TMEM87B: variants seen among roughly 807,000 people sequenced by gnomAD.
TMEM87B encodes transmembrane protein 87B.
In TMEM87B, 83 loss-of-function variants were observed where a neutral mutation model predicts 80.3. The observed-to-expected ratio is 1.03, with a 90% CI of 0.87 to 1.24. The LOEUF (loss-of-function observed/expected upper bound fraction) is 1.24, where lower values mean the gene tolerates loss of function less well. Among genes scored for constraint, TMEM87B ranks in the 50% most tolerant of loss-of-function variants. The pLI is 0.00. For synonymous variants in TMEM87B, 219 were observed against 230.5 expected, an observed-to-expected ratio of 0.95 and a Z score of 0.45; for missense variants, 625 against 674.4, an observed-to-expected ratio of 0.93 and a Z score of 0.81.
intron 16 of TMEM87B, among the ~76,000 whole-genome samples, chr2:112,107,400 T>A (rs1320931942): frequency 1.3e-5 from 2 of 152,082 alleles, no homozygotes; most frequent in East Asian, 1.9e-4. Flanking sequence ...ATCATCATTT[T>A]TTTTAAAGTT....
intron 2 of TMEM87B, among the ~76,000 whole-genome samples, chr2:112,061,250 T>C (rs1258768167): frequency 5.9e-5 from 9 of 152,210 alleles, no homozygotes; most frequent in Non-Finnish European, 1.3e-4. Flanking sequence ...ATTCCTCTTA[T>C]TGTTTCCAGT....
At chr2:112,110,540 C>T (rs1679882877) in intron 17 of TMEM87B, among the ~76,000 whole-genome samples, 1 of 151,784 alleles carries the variant, frequency 6.6e-6, no homozygotes, top group Admixed American at 6.6e-5. Flanking sequence ...TTTTTCTTTC[C>T]TGCACTGTTA....
intron 16 of TMEM87B, among the ~76,000 whole-genome samples, chr2:112,106,398 T>G (rs1051351478): frequency 1.3e-5 from 2 of 152,164 alleles, no homozygotes; most frequent in African/African-American, 4.8e-5. Flanking sequence ...TTGAAAAGAT[T>G]CCATAGCCTG....
chr2:112,092,058 G>C (rs1322770399), intron 11 of TMEM87B, among the ~76,000 whole-genome samples: 4 of 152,178 alleles, frequency 2.6e-5, no homozygotes, highest in Non-Finnish European at 5.9e-5. Flanking sequence ...GGGATTCACA[G>C]TCTTGTAGGG....
At chr2:112,091,821 T>A (rs770043964) in intron 11 of TMEM87B, 38 bp downstream of exon 11, 1 of 1,415,564 alleles carries the variant, frequency 7.1e-7, no homozygotes, top group East Asian at 2.3e-5. Flanking sequence ...GTTTGTTGTA[T>A]CATGAAAATC....
intron 1 of TMEM87B, among the ~76,000 whole-genome samples, chr2:112,057,250 C>A (rs1023349787): frequency 6.6e-6 from 1 of 152,162 alleles, no homozygotes; most frequent in South Asian, 2.1e-4. Context: ...ATTTGTACTG[C>A]AAATCTATCA....
chr2:112,077,251 G>A lies in TMEM87B; in HGVS notation c.561G>A (p.Thr187=), dbSNP rs145540703. 24 of 1,592,290 alleles carry A rather than the reference G, an allele frequency of 1.5e-5. No individual in the cohort carries two copies. Among genetic ancestry groups the A allele is most frequent in the Middle Eastern group, 1.7e-4 (1 of 6,010 alleles). Residue 187 remains threonine (T), a synonymous_variant, in exon 6 of 19, where the codon ACG becomes ACA. Transcript: ENST00000283206. ...GFHIFIVSIK[T]ENTDASWNLN... is the part of the protein sequence containing the mutation. ...ATATCTTTATTGTTTCTATTAAAAC[G>A]GAGAATACAGATGCAAGCTGGAATT...
At chr2:112,059,230 AG>A (rs1490409274) in intron 1 of TMEM87B, among the ~76,000 whole-genome samples, 1 of 152,156 alleles carries the variant, frequency 6.6e-6, no homozygotes, top group Non-Finnish European at 1.5e-5. Flanking sequence ...TTTATTCCTG[AG>A]AAGACATTAA....
At chr2:112,088,951 G>A (rs1032336919) in intron 9 of TMEM87B, among the ~76,000 whole-genome samples, 11 of 152,122 alleles carry the variant, frequency 7.2e-5, no homozygotes, top group African/African-American at 2.4e-4. Context: ...GGTAGAGACC[G>A]GGTTTCACCA....
intron 13 of TMEM87B, among the ~76,000 whole-genome samples, chr2:112,097,999 T>C (rs1319920001): frequency 6.6e-6 from 1 of 151,568 alleles, no homozygotes; most frequent in Non-Finnish European, 1.5e-5. Context: ...TTTTTTGAGA[T>C]GAGTCTCACT....
intron 9 of TMEM87B, among the ~76,000 whole-genome samples, chr2:112,088,768 TG>T (rs1679220083): frequency 1.3e-5 from 2 of 152,210 alleles, no homozygotes; most frequent in South Asian, 4.1e-4. Flanking sequence ...TTGTTGTTTT[TG>T]TTTTTTTGGA....
chr2:112,070,966 C>T (rs1002187826), intron 4 of TMEM87B, among the ~76,000 whole-genome samples: 32 of 151,746 alleles, frequency 2.1e-4, no homozygotes, highest in East Asian at 5.9e-4. Context: ...GGACTACAGA[C>T]GCCCGCCACC....
intron 17 of TMEM87B, among the ~76,000 whole-genome samples, chr2:112,110,211 T>C (rs1235988272): frequency 6.6e-6 from 1 of 152,258 alleles, no homozygotes; most frequent in Admixed American, 6.5e-5. Context: ...TGTTTCATTT[T>C]CTATGTTGTT....
chr2:112,089,901 T>G (rs758970367), intron 10 of TMEM87B, among the ~76,000 whole-genome samples, 183 bp downstream of exon 10: 16 of 152,230 alleles, frequency 1.1e-4, no homozygotes, highest in Non-Finnish European at 2.2e-4. Flanking sequence ...ACAGAGTGCT[T>G]CTTAAAATGA....
chr2:112,074,314 C>G (rs1678745349), intron 4 of TMEM87B, among the ~76,000 whole-genome samples: 1 of 152,176 alleles, frequency 6.6e-6, no homozygotes, highest in African/African-American at 2.4e-5. Flanking sequence ...TTCCCCTTCA[C>G]TTATGAGGCT....
Position 112,116,653 on chromosome 2 carries a change from A to G in TMEM87B, c.*510A>G, listed in dbSNP as rs1680032932. ...TGATTTGATATTAAGTAAAACAGTT[A>G]ATGTTTGAATATAGGCATATTTATA... On this transcript the variant is annotated 3_prime_UTR_variant, in exon 19 of 19. Transcript: ENST00000283206. 1 of 152,130 alleles carries G rather than the reference A, an allele frequency of 6.6e-6. No homozygotes were observed. The highest frequency in any genetic ancestry group is 2.1e-4 in the South Asian group (1 of 4,822). 9.4% of individuals were successfully genotyped at this position (152,130 alleles called of 1,614,324 possible).
intron 13 of TMEM87B, 40 bp from the exon 14 acceptor site, chr2:112,098,555 A>G (rs746127101): frequency 3.8e-6 from 6 of 1,590,680 alleles, no homozygotes; most frequent in Non-Finnish European, 5.2e-6. Context: ...TATGCTTATC[A>G]GAAAATTAAC....
intron 5 of TMEM87B, 58 bp from the exon 6 acceptor site, chr2:112,077,134 C>T: frequency 3.7e-6 from 3 of 807,488 alleles, no homozygotes; most frequent in Non-Finnish European, 5.9e-6. Context: ...AGTTGTTCAG[C>T]TATATTACAT....
intron 17 of TMEM87B, among the ~76,000 whole-genome samples, 167 bp from the exon 18 acceptor site, chr2:112,112,732 G>A (rs960350095): frequency 6.6e-6 from 1 of 152,186 alleles, no homozygotes; most frequent in Non-Finnish European, 1.5e-5. Flanking sequence ...GCACTGCTGC[G>A]AAAACTCCTG....
Sources: gnomAD v4.1 joint callset for allele counts (sites outside exome capture counted in the v4.1 genomes callset) on GRCh38, gnomAD v4.1.1 for gene constraint, MANE v1.5 for transcripts, NCBI Gene and HGNC (gene_info 2026-07-23, HGNC 2026-07-21) for gene names.